The following ZNF608 variants were observed in gnomAD, a reference collection of about 807,000 sequenced individuals.
ZNF608 encodes renal carcinoma antigen NY-REN-36.
In ZNF608, 12 loss-of-function variants were observed where a neutral mutation model predicts 109.0. The observed-to-expected ratio is 0.11, with a 90% CI of 0.07 to 0.18. ZNF608 has a LOEUF of 0.18. Ranked by LOEUF, ZNF608 falls within the 10% of genes least tolerant of loss-of-function variation. ZNF608 has a pLI of 1.00. For synonymous variants in ZNF608, 732 were observed against 717.4 expected (o/e 1.02, Z -0.33); for missense variants, 1,707 against 1,879.3 (o/e 0.91, Z 1.70).
At chr5:124,684,609 T>A (rs1282617549) in intron 3 of ZNF608, among the ~76,000 whole-genome samples, 2 of 152,214 alleles carry the variant, frequency 1.3e-5, no homozygotes, top group Non-Finnish European at 2.9e-5. Context: ...AGGAATACTC[T>A]GAAAGAACTT....
At chr5:124,742,145 A>T (rs900824859) in intron 2 of ZNF608, among the ~76,000 whole-genome samples, 1 of 152,200 alleles carries the variant, frequency 6.6e-6, no homozygotes. Flanking sequence ...GAATAATTTA[A>T]TTCTTCCATT....
intron 3 of ZNF608, among the ~76,000 whole-genome samples, chr5:124,683,036 CT>C (rs1580614703): frequency 3.3e-5 from 5 of 152,142 alleles, no homozygotes; most frequent in Non-Finnish European, 7.4e-5. Context: ...CTCTCTCTCT[CT>C]CCCCCTCTCT....
chr5:124,696,760 G>T (rs559410448), intron 3 of ZNF608, among the ~76,000 whole-genome samples: 70 of 152,242 alleles, frequency 4.6e-4, no homozygotes, highest in African/African-American at 1.6e-3. Context: ...TAAGTAGGAC[G>T]GGTGTCCCTA....
chr5:124,684,506 T>C (rs1333056304), intron 3 of ZNF608, among the ~76,000 whole-genome samples: 1 of 152,198 alleles, frequency 6.6e-6, no homozygotes, highest in Non-Finnish European at 1.5e-5. Flanking sequence ...TCCTAAGGCA[T>C]TTCTGAACTA....
At chr5:124,718,496 A>G (rs1753790440) in intron 2 of ZNF608, among the ~76,000 whole-genome samples, 1 of 152,234 alleles carries the variant, frequency 6.6e-6, no homozygotes, top group Admixed American at 6.5e-5. Context: ...CTGTCTAATC[A>G]TTAGTAGTCA....
chr5:124,702,255 A>G lies in ZNF608; in HGVS notation c.907-986T>C, dbSNP rs114547390. Among the ~76,000 whole-genome samples the G allele has an allele frequency of 6.5e-3, 991 of 152,326 alleles. 13 individuals carry two copies. Among genetic ancestry groups the G allele is most frequent in the African/African-American group, 0.023 (947 of 41,566 alleles). ...TGATTATTGGTTGTGAAAATGCCAC[A>G]CACAAAGCCCATTTGTACCAAGACT... On this transcript the variant is annotated intron_variant, in intron 2 of 9. Coordinates refer to ENST00000513986, the MANE Select transcript of ZNF608 (RefSeq NM_020747.3).
intron 3 of ZNF608, among the ~76,000 whole-genome samples, chr5:124,665,510 T>C (rs1199514679): frequency 2.0e-5 from 3 of 152,256 alleles, no homozygotes; most frequent in African/African-American, 7.2e-5. Flanking sequence ...GCTTCTGATA[T>C]CTTGTAAGTG....
intron 3 of ZNF608, among the ~76,000 whole-genome samples, chr5:124,669,321 G>A (rs1440205522): frequency 6.6e-6 from 1 of 152,104 alleles, no homozygotes; most frequent in Non-Finnish European, 1.5e-5. Context: ...TAGCCACTCT[G>A]GCTGAAAGGT....
At chr5:124,722,237 T>G (rs970362712) in intron 2 of ZNF608, among the ~76,000 whole-genome samples, 1 of 152,074 alleles carries the variant, frequency 6.6e-6, no homozygotes, top group African/African-American at 2.4e-5. Flanking sequence ...CAGTAATACT[T>G]ACAACTTCAT....
intron 2 of ZNF608, chr5:124,708,768 G>T (rs1337264271): frequency 6.6e-6 from 3 of 456,118 alleles, no homozygotes; most frequent in African/African-American, 4.0e-5. Flanking sequence ...AGCTGATCTG[G>T]TAGGACTTGG....
chr5:124,649,252 G>T, intron 4 of ZNF608, 119 bp from the exon 5 acceptor site: 1 of 810,374 alleles, frequency 1.2e-6, no homozygotes, highest in African/African-American at 1.7e-5. Flanking sequence ...GCTGGGCCCA[G>T]TCAAGGAAAA....
At chr5:124,649,513 A>G in intron 4 of ZNF608, 97 bp downstream of exon 4, 1 of 980,732 alleles carries the variant, frequency 1.0e-6, no homozygotes, top group Non-Finnish European at 1.5e-6. Context: ...GCCTGGTTTC[A>G]ATTACAGGCA....
intron 2 of ZNF608, among the ~76,000 whole-genome samples, chr5:124,715,392 AG>A (rs1163749112): frequency 6.6e-6 from 1 of 152,228 alleles, no homozygotes; most frequent in Non-Finnish European, 1.5e-5. Flanking sequence ...CTAATATCCA[AG>A]TACAAGCACC....
chr5:124,747,575 TA>T (rs778441632), upstream of ZNF608, among the ~76,000 whole-genome samples: 954 of 142,316 alleles, frequency 6.7e-3, 3 homozygotes, highest in Non-Finnish European at 8.6e-3. Context: ...ATCTGGTCTT[TA>T]AAAAAAAAAA....
chr5:124,646,399 A>T (rs73296623), intron 5 of ZNF608, among the ~76,000 whole-genome samples: 4,679 of 152,266 alleles, frequency 0.031, 227 homozygotes, highest in African/African-American at 0.1. Flanking sequence ...AATGGACCTC[A>T]TCAGAGTCAC....
rs1019779887 is a variant in ZNF608 at position 124,701,101 on chromosome 5, C to T, written c.1075G>A (p.Val359Ile). The change falls in exon 3 of 10, where the codon GTA (valine) becomes ATA (isoleucine). Residue 359 changes from valine to isoleucine, a missense_variant. Physicochemically the swap from Val to Ile is conservative, Grantham distance 29. Coordinates refer to ENST00000513986, the MANE Select transcript of ZNF608 (RefSeq NM_020747.3). ...SVGVNTCEVG[V>I]VTEPECLGPC... ...CCAAGACACTCTGGCTCTGTCACTACTCCAACTTCACATGTATTGACACCC... is the reference window on the plus strand; with the variant it reads ...CCAAGACACTCTGGCTCTGTCACTATTCCAACTTCACATGTATTGACACCC... The T allele has an allele frequency of 3.1e-6, 5 of 1,614,216 alleles. No homozygotes were observed. Among genetic ancestry groups the T allele is most frequent in the Non-Finnish European group, 3.4e-6 (4 of 1,180,022 alleles).
chr5:124,699,787 CT>C (rs371740244), intron 3 of ZNF608, among the ~76,000 whole-genome samples: 1 of 151,980 alleles, frequency 6.6e-6, no homozygotes, highest in African/African-American at 2.4e-5. Context: ...TTATTTTTAT[CT>C]TCTTCTTTCA....
chr5:124,643,550 G>A lies in ZNF608; in HGVS notation c.4257C>T (p.Leu1419=). Residue 1419 remains leucine, a synonymous_variant, in exon 7 of 10, where the codon CTC becomes CTT. Transcript: ENST00000513986. ...TTTESKALDL[L]QQHANQYRSK... is the part of the protein sequence containing the mutation. ...TGCGGTATTGGTTAGCATGCTGCTG[G>A]AGCAAATCCAGTGCTTTAGATTCAG... is the stretch of plus-strand genomic sequence containing the variant. 2 of 1,614,178 alleles carry A rather than the reference G, an allele frequency of 1.2e-6. No individual in the cohort carries two copies. Among genetic ancestry groups the A allele is most frequent in the African/African-American group, 1.3e-5 (1 of 75,050 alleles).
rs372832621 is a variant in ZNF608 at position 124,647,707 on chromosome 5, C to T, written c.2677G>A (p.Ala893Thr). ...GCGCTCCCTATGGAAGGGCTGGGAG[C>T]GTTGTCTGTGAAAGTGTAAACCTTA... ...ADKVYTFTDN[A>T]PSPSIGSASR... Residue 893 changes from alanine to threonine, a missense_variant, in exon 5 of 10, where the codon GCT becomes ACT. Around this residue, in one of 7 missense-constraint regions of ZNF608, gnomAD observed 1,073 missense variants for 1,133.5 expected, o/e 0.95. Coordinates refer to ENST00000513986, the MANE Select transcript of ZNF608 (RefSeq NM_020747.3). 20 of 1,614,078 alleles carry T rather than the reference C, an allele frequency of 1.2e-5. No individual in the cohort carries two copies. The highest frequency in any genetic ancestry group is 1.6e-5 in the Non-Finnish European group (19 of 1,180,048).
Sources: gnomAD v4.1 joint callset for allele counts (sites outside exome capture counted in the v4.1 genomes callset) on GRCh38, gnomAD v4.1.1 for gene constraint, gnomAD v4.1.1 regional missense constraint, MANE v1.5 for transcripts, NCBI Gene and HGNC (gene_info 2026-07-23, HGNC 2026-07-21) for gene names.